ACBD5: variants seen among roughly 807,000 people sequenced by gnomAD.
ACBD5 encodes the protein acyl-CoA binding domain containing 5, also known as acyl-CoA-binding domain-containing protein 5.
In ACBD5, 40 loss-of-function variants were observed where a neutral mutation model predicts 71.8. The ratio of observed to expected loss-of-function variants is 0.56; its 90% CI spans 0.43 to 0.72. The LOEUF is 0.72. ACBD5 is among the 30% of genes least tolerant of loss of function. The pLI, the probability that ACBD5 is intolerant of heterozygous loss-of-function variation, is 0.00. For synonymous variants in ACBD5, 229 were observed against 218.6 expected (o/e 1.05, Z -0.42); for missense variants, 559 against 644.5 (o/e 0.87, Z 1.44).
intron 4 of ACBD5, among the ~76,000 whole-genome samples, chr10:27,227,126 AC>A (rs2063179883): frequency 4.9e-5 from 3 of 61,718 alleles, no homozygotes; most frequent in Admixed American, 1.8e-4. Flanking sequence ...AAGATTGGCC[AC>A]CCCTGGTCTA....
intron 4 of ACBD5, among the ~76,000 whole-genome samples, chr10:27,227,165 A>G (rs1029509891): frequency 3.3e-5 from 5 of 151,886 alleles, no homozygotes; most frequent in African/African-American, 1.2e-4. Context: ...AGCTAATTTA[A>G]TATATTATAA....
chr10:27,196,767 G>A lies in ACBD5; in HGVS notation c.*663C>T, dbSNP rs1164067922. 1 of 454,228 alleles carries A rather than the reference G, an allele frequency of 2.2e-6. No individual in the cohort carries two copies. Among genetic ancestry groups the A allele is most frequent in the Admixed American group, 2.3e-5 (1 of 42,566 alleles). The allele number at this position is 454,228 out of a possible 1,614,324, so 28.1% of individuals were successfully genotyped here. ...AGCTCATTCTTCACCATTTCCATCA[G>A]TGGGTTATGTCTAGCCTGCAAATCA... On this transcript the variant is annotated 3_prime_UTR_variant, in exon 13 of 13. Coordinates refer to ENST00000396271, the MANE Select transcript of ACBD5 (RefSeq NM_145698.5).
chr10:27,204,955 G>GT (rs1483145255), intron 11 of ACBD5, among the ~76,000 whole-genome samples: 2 of 152,074 alleles, frequency 1.3e-5, no homozygotes, highest in Non-Finnish European at 2.9e-5. Context: ...GTGAAACCCT[G>GT]TCTCTACTAA....
rs188074931 is a variant in ACBD5 at position 27,196,518 on chromosome 10, T to C, written c.*912A>G. The C allele has an allele frequency of 2.2e-5, 10 of 452,360 alleles. No homozygotes were observed. In the East Asian group the frequency reaches 3.5e-4, roughly 16 times the overall value. The allele number at this position is 452,360 out of a possible 1,614,324, so 28.0% of individuals were successfully genotyped here. ...ACTAAGAGGTTAAGAGTCCAGTCTA[T>C]ATAGTTCATCAGTTGCAGAAAAGTG... On this transcript the variant is annotated 3_prime_UTR_variant, in exon 13 of 13. Transcript: ENST00000396271.
At position 27,219,852 on chromosome 10, in the gene ACBD5, C is replaced by T; in HGVS notation, c.496G>A (p.Gly166Ser). The T allele has an allele frequency of 6.2e-7, 1 of 1,613,656 alleles. No homozygotes were observed. ...TTTGGAGTAGAAGTGAGAACATTAC[C>T]AAGATCTAAAACATGAAATGACCAC... Reference protein sequence around the residue: ...GRSSDITSDLGNVLTSTPNAK... With the variant: ...GRSSDITSDLSNVLTSTPNAK... Residue 166 changes from glycine to serine, a missense_variant, in exon 6 of 13, where the codon GGT (glycine) becomes AGT (serine). Gly to Ser is a moderately conservative substitution (Grantham distance 56). Transcript: ENST00000396271.
intron 2 of ACBD5, among the ~76,000 whole-genome samples, chr10:27,238,924 G>C (rs1199887405): frequency 6.6e-6 from 1 of 152,184 alleles, no homozygotes; most frequent in Non-Finnish European, 1.5e-5. Context: ...TGGGCCGGGC[G>C]CGGTGGCTCA....
At chr10:27,216,899 C>A (rs987674655) in intron 7 of ACBD5, among the ~76,000 whole-genome samples, 11 of 152,104 alleles carry the variant, frequency 7.2e-5, no homozygotes, top group Admixed American at 2.0e-4. Flanking sequence ...GTAATCTCAG[C>A]ACTTTGGGAG....
In ACBD5 at chr10:27,218,008, A is replaced by G; in HGVS notation, c.801T>C (p.Thr267=). Residue 267 remains threonine (T), a synonymous_variant, in exon 7 of 13, where the codon ACT becomes ACC. Coordinates refer to ENST00000396271, the MANE Select transcript of ACBD5 (RefSeq NM_145698.5). ...GGTGAATGCAAACAGCAGATTTTCC[A>G]GTTTGCCCCAAGTTTTCATCAATGG... The part of the protein sequence containing the change: ...VKPIDENLGQ[T]GKSAVCIHQD... The G allele has an allele frequency of 6.2e-7, 1 of 1,614,178 alleles. No homozygotes were observed. The highest frequency in any genetic ancestry group is 1.1e-5 in the South Asian group (1 of 91,086).
chr10:27,228,545 C>G (rs2137953499), intron 4 of ACBD5, among the ~76,000 whole-genome samples: 1 of 151,820 alleles, frequency 6.6e-6, no homozygotes, highest in East Asian at 1.9e-4. Context: ...CCGTTACACT[C>G]TAGCCCAGGC....
intron 4 of ACBD5, among the ~76,000 whole-genome samples, chr10:27,224,405 A>G (rs1164342112): frequency 6.6e-6 from 1 of 152,032 alleles, no homozygotes; most frequent in Admixed American, 6.6e-5. Context: ...ACAAACAAAA[A>G]AACTAGGGGC....
intron 13 of ACBD5, among the ~76,000 whole-genome samples, chr10:27,189,628 G>C (rs529966225): frequency 7.9e-6 from 1 of 126,820 alleles, no homozygotes; most frequent in Non-Finnish European, 1.6e-5. Context: ...GTTGTGGGGT[G>C]GGGGGGAGGG....
upstream of ACBD5, among the ~76,000 whole-genome samples, chr10:27,241,731 A>AT (rs1271654261): frequency 1.3e-4 from 19 of 151,340 alleles, no homozygotes; most frequent in African/African-American, 3.4e-4. Context: ...AAAAAAAAAA[A>AT]TAAAAATAGG....
At chr10:27,189,652 A>G (rs573351947) in intron 13 of ACBD5, among the ~76,000 whole-genome samples, 102 of 149,602 alleles carry the variant, frequency 6.8e-4, no homozygotes, top group African/African-American at 2.3e-3. Context: ...GCATTAGGAG[A>G]TATACCTAAT....
chr10:27,203,596 G>T (rs2060156463), intron 12 of ACBD5, among the ~76,000 whole-genome samples: 1 of 152,054 alleles, frequency 6.6e-6, no homozygotes. Flanking sequence ...AAAATTAGCT[G>T]GGCATGATGG....
rs1346991331 is a variant in ACBD5, at chr10:27,195,576, A to G, written c.*1854T>C. The G allele has an allele frequency of 6.7e-6, 3 of 449,962 alleles. No homozygotes were observed. Among genetic ancestry groups the G allele is most frequent in the Non-Finnish European group, 1.3e-5 (3 of 225,442 alleles). The allele number at this position is 449,962 out of a possible 1,614,324, so 27.9% of individuals were successfully genotyped here. ...AATTGATATCTCATTTTTGAAAATA[A>G]TCTTTGATCCACAGGTCTAAATGTT... On this transcript the variant is annotated 3_prime_UTR_variant, in exon 13 of 13. Coordinates refer to ENST00000396271, the MANE Select transcript of ACBD5 (RefSeq NM_145698.5).
chr10:27,239,638 GTTA>G (rs1425405366), intron 2 of ACBD5, among the ~76,000 whole-genome samples: 1 of 151,432 alleles, frequency 6.6e-6, no homozygotes, highest in Non-Finnish European at 1.5e-5. Flanking sequence ...ATTGACTATA[GTTA>G]TTCTTTCTTT....
At position 27,196,129 on chromosome 10, in the gene ACBD5, G is replaced by T. The variant is rs972471680; in HGVS notation, c.*1301C>A. On this transcript the variant is annotated 3_prime_UTR_variant, in exon 13 of 13. Coordinates refer to ENST00000396271, the MANE Select transcript of ACBD5 (RefSeq NM_145698.5). ...GCAGGAGAATCACTTGAACCCAGGA[G>T]GTGGAAGTTGCAGTGAGCCAAGATC... 6 of 451,490 alleles carry T rather than the reference G, an allele frequency of 1.3e-5. No individual in the cohort carries two copies. The highest frequency in any genetic ancestry group is 1.2e-4 in the African/African-American group (6 of 49,730). 28.0% of individuals were successfully genotyped at this position (451,490 alleles called of 1,614,324 possible). A position where few individuals can be genotyped will look rare whatever the true frequency, so the allele number is the denominator to read the frequency against.
chr10:27,194,756 G>A (rs976697248), downstream of ACBD5, among the ~76,000 whole-genome samples: 22 of 152,064 alleles, frequency 1.4e-4, 1 homozygote, highest in Admixed American at 1.4e-3. Context: ...CCAGCACTTT[G>A]GGAGGCCGAG....
At chr10:27,187,741 G>T (rs1361833457) in intron 13 of ACBD5, among the ~76,000 whole-genome samples, 1 of 124,870 alleles carries the variant, frequency 8.0e-6, no homozygotes, top group Admixed American at 8.4e-5. Context: ...AACAGAATGA[G>T]ACTCAGTCTC....
Sources: allele counts gnomAD v4.1 joint callset (sites outside exome capture counted in the v4.1 genomes callset), GRCh38; gene constraint gnomAD v4.1.1; transcripts MANE v1.5; gene names NCBI Gene and HGNC (gene_info 2026-07-23, HGNC 2026-07-21).